The following ZNF729 variants were observed in gnomAD, a reference collection of about 807,000 sequenced individuals.
The protein encoded by ZNF729 is zinc finger protein 729.
ZNF729 carries 15 observed loss-of-function variants against 12.2 expected under a neutral mutation model. That is an observed-to-expected ratio of 1.23 (90% CI 0.82 to 1.89). The LOEUF (loss-of-function observed/expected upper bound fraction) is 1.89, where lower values mean the gene tolerates loss of function less well. Among genes scored for constraint, ZNF729 ranks in the 40% most tolerant of loss-of-function variants. The pLI is 0.00. For synonymous variants in ZNF729, 492 were observed against 476.3 expected (o/e 1.03, Z -0.43); for missense variants, 1,540 against 1,456.7 (o/e 1.06, Z -0.93).
intron 1 of ZNF729, among the ~76,000 whole-genome samples, chr19:22,294,812 A>C (rs189622790): frequency 6.6e-4 from 100 of 151,738 alleles, no homozygotes; most frequent in Non-Finnish European, 1.3e-3. Context: ...GCCTACCACC[A>C]TGCCCAGGTA....
chr19:22,303,744 G>T lies in ZNF729; in HGVS notation c.31-14G>T. 2.0e-6 allele frequency: 3 copies of T among 1,534,610 alleles called. No individual in the cohort carries two copies. In the South Asian group the frequency reaches 3.4e-5, roughly 18 times the overall value. Reference sequence around the variant, plus strand: ...CTTGGGAAATGTATATGTGTCTTTCGTTGTGTTTTTCAGGGACCATTGACA... The same window carrying T: ...CTTGGGAAATGTATATGTGTCTTTCTTTGTGTTTTTCAGGGACCATTGACA... On this transcript the variant is annotated splice_polypyrimidine_tract_variant and intron_variant, in intron 1 of 3. Coordinates refer to ENST00000601693, the MANE Select transcript of ZNF729 (RefSeq NM_001242680.2).
rs746213994 is a variant in ZNF729, at chr19:22,313,729, C to A, written c.312C>A (p.Phe104Leu). Residue 104 changes from phenylalanine (F) to leucine (L), a missense_variant, in exon 4 of 4, where the codon TTC becomes TTA. By Grantham distance (22) the Phe-to-Leu change is conservative (BLOSUM62 0). Coordinates refer to ENST00000601693, the MANE Select transcript of ZNF729 (RefSeq NM_001242680.2). ...LWPDQSTKDS[F>L]QEVILRTYAR... is the part of the protein sequence containing the mutation. Reference sequence around the variant, plus strand: ...CAGATCAGAGCACAAAAGATTCTTTCCAAGAAGTAATACTGAGAACATATG... The same window carrying A: ...CAGATCAGAGCACAAAAGATTCTTTACAAGAAGTAATACTGAGAACATATG... 1.3e-6 allele frequency: 2 copies of A among 1,568,748 alleles called. No individual in the cohort carries two copies. Among genetic ancestry groups the A allele is most frequent in the Admixed American group, 2.0e-5 (1 of 49,000 alleles).
chr19:22,287,574 A>AT (rs1177968517), intron 1 of ZNF729, among the ~76,000 whole-genome samples: 7 of 151,752 alleles, frequency 4.6e-5, no homozygotes, highest in African/African-American at 1.7e-4. Flanking sequence ...GCCGAATTAG[A>AT]TTTTTTAAAA....
chr19:22,288,739 G>A (rs1346879242), intron 1 of ZNF729, among the ~76,000 whole-genome samples: 1 of 150,114 alleles, frequency 6.7e-6, no homozygotes, highest in African/African-American at 2.5e-5. Context: ...TGCTGGTATT[G>A]CGGGAAAAAG....
chr19:22,308,051 G>C (rs1240147605), intron 3 of ZNF729, among the ~76,000 whole-genome samples: 1 of 151,906 alleles, frequency 6.6e-6, no homozygotes, highest in Non-Finnish European at 1.5e-5. Context: ...AAAGTCCACT[G>C]TATCATTCTT....
rs752847561 is a variant in ZNF729 at position 22,316,599 on chromosome 19, C to G, written c.3182C>G (p.Ser1061Ter). ...EECGKAFKWS[S>*]KLTEHKVIHT... ...TGTGGTAAAGCTTTTAAGTGGTCCT[C>G]AAAACTTACTGAACATAAGGTAATT... The change falls in exon 4 of 4, where the codon TCA becomes TGA. Residue 1061 changes from serine to a stop codon, truncating the protein, a stop_gained. Transcript: ENST00000601693. LOFTEE classifies it low-confidence loss of function (END_TRUNC). The G allele has an allele frequency of 1.2e-6, 2 of 1,613,094 alleles. No individual in the cohort carries two copies. Among genetic ancestry groups the G allele is most frequent in the Non-Finnish European group, 1.7e-6 (2 of 1,179,722 alleles).
At chr19:22,297,804 G>A (rs1246148935) in intron 1 of ZNF729, among the ~76,000 whole-genome samples, 1 of 151,878 alleles carries the variant, frequency 6.6e-6, no homozygotes, top group Non-Finnish European at 1.5e-5. Context: ...AGGAATTTGA[G>A]ACCAGTCTGA....
rs537434412 is a variant in ZNF729, at chr19:22,308,880, G to A, written c.253+4097G>A. The stretch of plus-strand genomic sequence containing the variant: ...AGCTCTTTAGTTTCATTAAGTTCCC[G>A]TTTTGACACTATTCCACAAGATACA... On this transcript the variant is annotated intron_variant, in intron 3 of 3. Coordinates refer to ENST00000601693, the MANE Select transcript of ZNF729 (RefSeq NM_001242680.2). Among the ~76,000 whole-genome samples, 10 of 151,986 alleles carry A rather than the reference G, an allele frequency of 6.6e-5. No individual in the cohort carries two copies. The South Asian group carries it at 1.0e-3, about 16-fold the overall frequency.
At chr19:22,307,798 GTGTTTTTT>G (rs1164505137) in intron 3 of ZNF729, among the ~76,000 whole-genome samples, 7 of 76,920 alleles carry the variant, frequency 9.1e-5, no homozygotes, top group African/African-American at 4.3e-4. Flanking sequence ...GGAAAGCTCT[GTGTTTTTT>G]TTTTTTTTTT....
At chr19:22,292,784 G>T (rs1419711966) in intron 1 of ZNF729, among the ~76,000 whole-genome samples, 1 of 152,132 alleles carries the variant, frequency 6.6e-6, no homozygotes, top group East Asian at 1.9e-4. Flanking sequence ...TAGGCATTTA[G>T]GTTGATTCCA....
rs766615908 is a variant in ZNF729, at chr19:22,315,887, T to C, written c.2470T>C (p.Cys824Arg). The change falls in exon 4 of 4, where the codon TGC becomes CGC. Residue 824 changes from cysteine (C) to arginine (R), a missense_variant. Coordinates refer to ENST00000601693, the MANE Select transcript of ZNF729 (RefSeq NM_001242680.2). ...HKVIHTGEKP[C>R]KCEECGKAFK... ...GGTAATTCATACTGGAGAGAAACCCTGCAAATGTGAAGAATGTGGCAAAGC... is the reference window on the plus strand; with the variant it reads ...GGTAATTCATACTGGAGAGAAACCCCGCAAATGTGAAGAATGTGGCAAAGC... The C allele has an allele frequency of 5.6e-6, 9 of 1,611,324 alleles. No homozygotes were observed. The African/African-American group carries it at 1.1e-4, about 19-fold the overall frequency.
intron 1 of ZNF729, among the ~76,000 whole-genome samples, chr19:22,294,106 T>C (rs1400668781): frequency 6.6e-6 from 1 of 152,256 alleles, no homozygotes; most frequent in Non-Finnish European, 1.5e-5. Flanking sequence ...TTTTAAGTTT[T>C]ACATTTAAGG....
intron 1 of ZNF729, among the ~76,000 whole-genome samples, chr19:22,292,437 T>G (rs992499974): frequency 2.4e-4 from 37 of 152,044 alleles, no homozygotes; most frequent in African/African-American, 8.2e-4. Flanking sequence ...TCATTAAATC[T>G]TTTATTTTAT....
At chr19:22,289,159 T>C (rs574188472) in intron 1 of ZNF729, among the ~76,000 whole-genome samples, 16 of 152,002 alleles carry the variant, frequency 1.1e-4, no homozygotes, top group African/African-American at 3.9e-4. Context: ...AGAAAATATT[T>C]ACCAAGGGCA....
At chr19:22,288,839 T>C (rs973200152) in intron 1 of ZNF729, among the ~76,000 whole-genome samples, 1 of 151,964 alleles carries the variant, frequency 6.6e-6, no homozygotes, top group African/African-American at 2.4e-5. Context: ...AGAAAAATAG[T>C]GCGAATCTTT....
intron 3 of ZNF729, among the ~76,000 whole-genome samples, chr19:22,312,440 T>TTGTGTGTGGTGTG (rs1555784669): frequency 1.4e-5 from 2 of 144,552 alleles, no homozygotes; most frequent in African/African-American, 5.3e-5. Context: ...TTGTCTGAAA[T>TTGTGTGTGGTGTG]TGTGTGTGTG....
At chr19:22,287,295 T>C (rs938287212) in intron 1 of ZNF729, among the ~76,000 whole-genome samples, 7 of 151,948 alleles carry the variant, frequency 4.6e-5, no homozygotes, top group Non-Finnish European at 1.0e-4. Flanking sequence ...AGACGGAGTT[T>C]TGCTCTTGTT....
intron 1 of ZNF729, among the ~76,000 whole-genome samples, chr19:22,289,861 T>C (rs1968130561): frequency 6.6e-6 from 1 of 151,992 alleles, no homozygotes; most frequent in South Asian, 2.1e-4. Flanking sequence ...TTGTACCCTC[T>C]AGAAGTGTTC....
intron 3 of ZNF729, among the ~76,000 whole-genome samples, chr19:22,308,687 A>G (rs766851801): frequency 3.2e-4 from 48 of 151,846 alleles, no homozygotes; most frequent in African/African-American, 1.1e-3. Context: ...AAAATTGTCT[A>G]TTCATGTCCT....
Sources: allele counts gnomAD v4.1 joint callset (sites outside exome capture counted in the v4.1 genomes callset), GRCh38; gene constraint gnomAD v4.1.1; transcripts MANE v1.5; gene names NCBI Gene and HGNC (gene_info 2026-07-23, HGNC 2026-07-21).